Variants in LRRC9 observed in about 807,000 individuals in gnomAD.
The protein encoded by LRRC9 is leucine rich repeat containing 9.
A neutral mutation model predicts 63.2 loss-of-function variants in LRRC9; 122 were observed. That is an observed-to-expected ratio of 1.93 (90% CI 1.67 to 2.24). LRRC9 has a LOEUF of 2.24. Among genes scored for constraint, LRRC9 ranks in the 30% most tolerant of loss-of-function variants. The pLI is 0.00. For missense variants in LRRC9, 1,071 were observed against 627.7 expected, an observed-to-expected ratio of 1.71 and a Z score of -7.55; for synonymous variants, 366 against 213.1, an observed-to-expected ratio of 1.72 and a Z score of -6.25.
At position 59,938,913 on chromosome 14, in the gene LRRC9, A is replaced by G. The variant is rs1343601330; in HGVS notation, c.726+341A>G. ...TATACACATATATATACATATATAC[A>G]CATATGCATATATATACACATATAT... is the stretch of plus-strand genomic sequence containing the variant. On this transcript the variant is annotated intron_variant, in intron 7 of 31. Coordinates refer to ENST00000445360, the Ensembl canonical transcript of LRRC9. The surrounding 1 kb of genome is among the most constrained non-coding windows in gnomAD (Gnocchi z 4.2). Among the ~76,000 whole-genome samples, 1 of 116,806 alleles carries G rather than the reference A, an allele frequency of 8.6e-6. No individual in the cohort carries two copies. Among genetic ancestry groups the G allele is most frequent in the Non-Finnish European group, 1.7e-5 (1 of 58,060 alleles). 76.6% of individuals were successfully genotyped at this position (116,806 alleles called of 152,430 possible).
chr14:60,046,934 C>T (rs160249), intron 29 of LRRC9, among the ~76,000 whole-genome samples: 129,690 of 152,138 alleles, frequency 0.85, 55,681 homozygotes, highest in Non-Finnish European at 0.9. Context: ...CTGATTTCCC[C>T]GAGCAGTAGT....
intron 8 of LRRC9, among the ~76,000 whole-genome samples, chr14:59,955,751 T>C (rs1883677116): frequency 6.6e-6 from 1 of 152,338 alleles, no homozygotes; most frequent in East Asian, 1.9e-4. Context: ...ATTTTAGATC[T>C]TTCTAGCTTT....
intron 8 of LRRC9, among the ~76,000 whole-genome samples, chr14:59,952,230 A>T (rs1883228067): frequency 6.6e-6 from 1 of 152,022 alleles, no homozygotes; most frequent in Non-Finnish European, 1.5e-5. Context: ...CGGTCTGAAA[A>T]GCGCAATATT....
chr14:59,977,373 G>A (rs1439999985), intron 14 of LRRC9, 26 bp downstream of exon 14: 2 of 640,674 alleles, frequency 3.1e-6, no homozygotes, highest in South Asian at 1.7e-5. Flanking sequence ...AGATTAATGT[G>A]GTTTTATCTC....
intron 25 of LRRC9, 33 bp from the exon 26 acceptor site, chr14:60,019,088 G>A: frequency 1.6e-6 from 1 of 637,106 alleles, no homozygotes; most frequent in Non-Finnish European, 2.8e-6. Context: ...ATAATTTCTA[G>A]GATTTCTGAT....
intron 20 of LRRC9, among the ~76,000 whole-genome samples, chr14:60,002,880 G>A (rs1889501374): frequency 6.6e-6 from 1 of 152,184 alleles, no homozygotes; most frequent in Non-Finnish European, 1.5e-5. Flanking sequence ...AAGGCTCAGA[G>A]CCAGAGATCA....
In LRRC9 at chr14:60,003,812, G is replaced by C. The variant is rs1566867429; in HGVS notation, c.2842+14G>C. ...CAAAGATAGAAGGTAAGGTACTTAA[G>C]AACTTTGAAGTCTCAAAATATGGGA... is the stretch of plus-strand genomic sequence containing the variant. On this transcript the variant is annotated intron_variant, in intron 21 of 31. Transcript: ENST00000445360. The surrounding 1 kb of genome is among the most constrained non-coding windows in gnomAD (Gnocchi z 4.2). 5 of 557,764 alleles carry C rather than the reference G, an allele frequency of 9.0e-6. 1 individual carries two copies. The South Asian group carries it at 1.2e-4, about 13-fold the overall frequency. 34.6% of individuals were successfully genotyped at this position (557,764 alleles called of 1,614,324 possible).
chr14:59,946,347 CAA>C (rs1191743301), intron 8 of LRRC9, among the ~76,000 whole-genome samples: 12 of 150,756 alleles, frequency 8.0e-5, no homozygotes, highest in South Asian at 2.1e-4. Flanking sequence ...ATAAAAATCA[CAA>C]GAGATCAATA....
intron 8 of LRRC9, among the ~76,000 whole-genome samples, chr14:59,953,061 A>G (rs544786262): frequency 1.3e-5 from 2 of 152,212 alleles, no homozygotes; most frequent in African/African-American, 4.8e-5. Flanking sequence ...TCTATCACTG[A>G]TGGGCATTTG....
chr14:60,034,579 ATGAG>A (rs1340284213), intron 29 of LRRC9, among the ~76,000 whole-genome samples: 1 of 152,040 alleles, frequency 6.6e-6, no homozygotes. Flanking sequence ...GCTCCCACAT[ATGAG>A]TGAGGACATG....
intron 1 of LRRC9, among the ~76,000 whole-genome samples, chr14:59,924,076 G>T (rs537446783): frequency 6.6e-6 from 1 of 152,294 alleles, no homozygotes; most frequent in East Asian, 1.9e-4. Flanking sequence ...CAAAGAGAAT[G>T]ATTTAATTCC....
At chr14:60,052,211 G>A (rs1172268700) in intron 29 of LRRC9, among the ~76,000 whole-genome samples, 1 of 152,154 alleles carries the variant, frequency 6.6e-6, no homozygotes, top group African/African-American at 2.4e-5. Context: ...CATTCAGGGA[G>A]GGAAGAAGGG....
intron 7 of LRRC9, among the ~76,000 whole-genome samples, chr14:59,939,533 C>T (rs1357118896): frequency 6.6e-6 from 1 of 151,908 alleles, no homozygotes; most frequent in Non-Finnish European, 1.5e-5. Flanking sequence ...GAGATTATTC[C>T]AGTAACTTAG....
At chr14:59,989,085 T>C (rs942551474) in intron 17 of LRRC9, among the ~76,000 whole-genome samples, 4 of 152,126 alleles carry the variant, frequency 2.6e-5, no homozygotes, top group African/African-American at 9.6e-5. Context: ...ACTTTTTTAG[T>C]TTTCTTTAAA....
chr14:59,984,540 T>C (rs1887260165), intron 16 of LRRC9, among the ~76,000 whole-genome samples: 1 of 152,212 alleles, frequency 6.6e-6, no homozygotes, highest in Non-Finnish European at 1.5e-5. Flanking sequence ...TTTGTTTTTA[T>C]ATAGCCTAGA....
intron 16 of LRRC9, among the ~76,000 whole-genome samples, chr14:59,983,496 G>C (rs544049816): frequency 1.3e-5 from 2 of 152,164 alleles, no homozygotes; most frequent in Non-Finnish European, 2.9e-5. Context: ...AGAGTTACTG[G>C]GAGAGATTTA....
intron 8 of LRRC9, among the ~76,000 whole-genome samples, chr14:59,954,472 G>A (rs1417240593): frequency 6.6e-6 from 1 of 152,000 alleles, no homozygotes; most frequent in Non-Finnish European, 1.5e-5. Flanking sequence ...ATCTATTATT[G>A]GTGTATAGGA....
At chr14:59,951,482 C>G (rs1430494180) in intron 8 of LRRC9, among the ~76,000 whole-genome samples, 1 of 138,042 alleles carries the variant, frequency 7.2e-6, no homozygotes, top group Admixed American at 7.5e-5. Context: ...TCGTCTGAAG[C>G]CTTCTTCTCT....
chr14:60,041,529 C>G (rs893012950), intron 29 of LRRC9, among the ~76,000 whole-genome samples: 4 of 152,164 alleles, frequency 2.6e-5, no homozygotes, highest in African/African-American at 9.7e-5. Flanking sequence ...TCCACTTGAT[C>G]AAATCAGCTA....
Sources: gnomAD v4.1 joint callset for allele counts (sites outside exome capture counted in the v4.1 genomes callset) on GRCh38, gnomAD v4.1.1 for gene constraint, Gnocchi (gnomAD v3.1) non-coding constraint, MANE v1.5 for transcripts, NCBI Gene and HGNC (gene_info 2026-07-23, HGNC 2026-07-21) for gene names.